HPSE2: variants seen among roughly 807,000 people sequenced by gnomAD.
HPSE2 encodes the protein inactive heparanase-2.
HPSE2 carries 38 observed loss-of-function variants against 60.5 expected under a neutral mutation model. The ratio of observed to expected loss-of-function variants is 0.63; its 90% CI spans 0.48 to 0.82. HPSE2 has a LOEUF of 0.82. HPSE2 is among the 40% of genes least tolerant of loss of function. The probability of loss-of-function intolerance (pLI) is 0.00; values close to 1 mark genes in which losing one functional copy is unlikely to be tolerated. For missense variants in HPSE2, 713 were observed against 740.4 expected (o/e 0.96, Z 0.43); for synonymous variants, 295 against 293.2 (o/e 1.01, Z -0.06).
chr10:98,734,256 T>C (rs1157784844), intron 4 of HPSE2, among the ~76,000 whole-genome samples: 1 of 152,218 alleles, frequency 6.6e-6, no homozygotes, highest in African/African-American at 2.4e-5. Flanking sequence ...CATCAATTGA[T>C]GGTCATTTAG....
chr10:98,525,076 T>C (rs544385206), intron 9 of HPSE2, among the ~76,000 whole-genome samples: 2 of 152,324 alleles, frequency 1.3e-5, no homozygotes, highest in East Asian at 3.9e-4. Context: ...AATGGCACGA[T>C]CTTGGCTCAC....
At position 98,976,101 on chromosome 10, in the gene HPSE2, A is replaced by AT. The variant is rs1262805163; in HGVS notation, c.610+168136dup. Among the ~76,000 whole-genome samples, 3 of 152,148 alleles carry AT rather than the reference A, an allele frequency of 2.0e-5. No individual in the cohort carries two copies. In the East Asian group the frequency reaches 5.8e-4, roughly 29 times the overall value. On this transcript the variant is annotated intron_variant, in intron 3 of 11. Coordinates refer to ENST00000370552, the MANE Select transcript of HPSE2 (RefSeq NM_021828.5). Reference sequence around the variant, plus strand: ...TCAGGCCTCCTTTATCTTGCAGAAGATTTAATACAACGATCTCTGAGATAG... The same window carrying AT: ...TCAGGCCTCCTTTATCTTGCAGAAGATTTTAATACAACGATCTCTGAGATAG...
At chr10:99,268,581 G>C in the HPSE2 span, among the ~76,000 whole-genome samples, 1 of 151,412 alleles carries the variant, frequency 6.6e-6, no homozygotes, top group East Asian at 1.9e-4. Context: ...GGGAGACAGA[G>C]GTTGCAGTGA....
At chr10:99,005,357 A>G (rs1956867645) in intron 3 of HPSE2, among the ~76,000 whole-genome samples, 1 of 151,960 alleles carries the variant, frequency 6.6e-6, no homozygotes, top group Middle Eastern at 3.2e-3. Context: ...TTTAATTTTT[A>G]TCATTCGACT....
At chr10:98,996,018 T>C (rs1956634063) in intron 3 of HPSE2, among the ~76,000 whole-genome samples, 1 of 152,126 alleles carries the variant, frequency 6.6e-6, no homozygotes. Context: ...TTAACGATAT[T>C]ATAACAATGA....
At chr10:98,654,772 T>A (rs1947013653) in intron 6 of HPSE2, among the ~76,000 whole-genome samples, 1 of 152,082 alleles carries the variant, frequency 6.6e-6, no homozygotes, top group African/African-American at 2.4e-5. Flanking sequence ...TACTTTCTAA[T>A]TTTTTTTGTT....
chr10:98,584,307 T>G (rs1346327709), intron 9 of HPSE2, among the ~76,000 whole-genome samples: 1 of 152,190 alleles, frequency 6.6e-6, no homozygotes, highest in African/African-American at 2.4e-5. Context: ...GGACTGAATC[T>G]TCCCCTGTGT....
At chr10:98,544,748 G>C (rs1195020398) in intron 9 of HPSE2, among the ~76,000 whole-genome samples, 2 of 140,580 alleles carry the variant, frequency 1.4e-5, no homozygotes, top group Non-Finnish European at 3.1e-5. Flanking sequence ...AAAAGAACTA[G>C]AGAAGCAAGA....
intron 7 of HPSE2, among the ~76,000 whole-genome samples, chr10:98,621,213 A>G (rs1284746616): frequency 6.6e-6 from 1 of 152,114 alleles, no homozygotes; most frequent in East Asian, 1.9e-4. Context: ...GTATATTGTA[A>G]TCACACTTTG....
intron 4 of HPSE2, among the ~76,000 whole-genome samples, chr10:98,735,463 G>A (rs969163793): frequency 1.3e-5 from 2 of 151,560 alleles, no homozygotes; most frequent in Non-Finnish European, 2.9e-5. Context: ...AAGTGGGGTT[G>A]AAGCCCCCAT....
the HPSE2 span, among the ~76,000 whole-genome samples, chr10:99,306,358 A>C: frequency 6.6e-6 from 1 of 152,104 alleles, no homozygotes; most frequent in Non-Finnish European, 1.5e-5. Flanking sequence ...ACTGGCAAGA[A>C]GTTCAAACCA....
At chr10:99,216,447 G>A (rs1239515292) in intron 2 of HPSE2, among the ~76,000 whole-genome samples, 1 of 150,478 alleles carries the variant, frequency 6.6e-6, no homozygotes, top group Non-Finnish European at 1.5e-5. Context: ...CGCCCGCCTC[G>A]GCCTCCCAAA....
intron 11 of HPSE2, among the ~76,000 whole-genome samples, chr10:98,468,504 T>C (rs1444322372): frequency 6.6e-6 from 1 of 152,064 alleles, no homozygotes; most frequent in Non-Finnish European, 1.5e-5. Flanking sequence ...CTGTCAGAGG[T>C]AGCCTCCTGC....
intron 3 of HPSE2, among the ~76,000 whole-genome samples, chr10:99,079,354 C>T (rs890210570): frequency 3.3e-5 from 5 of 152,138 alleles, no homozygotes; most frequent in African/African-American, 1.2e-4. Flanking sequence ...CAAACCTCCA[C>T]CTCGGTTCTC....
rs767581258 is a variant in HPSE2, at chr10:98,721,691, G to A, written c.922C>T (p.Arg308Trp). 38 of 1,613,518 alleles carry A rather than the reference G, an allele frequency of 2.4e-5. No homozygotes were observed. Among genetic ancestry groups the A allele is most frequent in the Middle Eastern group, 3.3e-4 (2 of 5,988 alleles). Residue 308 changes from arginine to tryptophan, a missense_variant, in exon 5 of 12, where the codon CGG (arginine) becomes TGG (tryptophan). Coordinates refer to ENST00000370552, the MANE Select transcript of HPSE2 (RefSeq NM_021828.5). ...AGGGCGATGACATTCTTCCTCGGCCGCCCAATATTAGGGCCATATAAGCTG... is the reference window on the plus strand; with the variant it reads ...AGGGCGATGACATTCTTCCTCGGCCACCCAATATTAGGGCCATATAAGCTG... ...RASLYGPNIG[R>W]PRKNVIALLD... is the part of the protein sequence containing the mutation.
chr10:99,305,979 G>GCGCACACGCACA, the HPSE2 span, among the ~76,000 whole-genome samples: 2 of 80,580 alleles, frequency 2.5e-5, no homozygotes, highest in Non-Finnish European at 4.8e-5. Context: ...GCGCGCGCGC[G>GCGCACACGCACA]CACACACACA....
chr10:98,588,322 A>G (rs572958281), intron 9 of HPSE2, among the ~76,000 whole-genome samples: 87 of 152,262 alleles, frequency 5.7e-4, no homozygotes, highest in Admixed American at 2.7e-3. Context: ...CCCAGTGTTT[A>G]TCCTACTAAT....
intron 2 of HPSE2, 127 bp downstream of exon 2, chr10:99,232,221 A>G (rs879276817): frequency 0.1 from 77,158 of 735,204 alleles, 3,005 homozygotes; most frequent in Non-Finnish European, 0.11. Context: ...GCATACACAC[A>G]CACACACACA....
chr10:98,617,416 AC>A (rs1238848325), intron 8 of HPSE2, among the ~76,000 whole-genome samples: 1 of 152,226 alleles, frequency 6.6e-6, no homozygotes, highest in Non-Finnish European at 1.5e-5. Context: ...TATATACTCA[AC>A]AAATAAATAT....
Sources: gnomAD v4.1 joint callset for allele counts (sites outside exome capture counted in the v4.1 genomes callset) on GRCh38, gnomAD v4.1.1 for gene constraint, MANE v1.5 for transcripts, NCBI Gene and HGNC (gene_info 2026-07-23, HGNC 2026-07-21) for gene names.